Variants in WWOX observed in about 807,000 individuals in gnomAD.
WWOX encodes WW domain containing oxidoreductase.
WWOX carries 69 observed loss-of-function variants against 46.2 expected under a neutral mutation model. The observed-to-expected ratio is 1.49, with a 90% CI of 1.23 to 1.82. The LOEUF (loss-of-function observed/expected upper bound fraction) is 1.82, where lower values mean the gene tolerates loss of function less well. Among genes scored for constraint, WWOX ranks in the 40% most tolerant of loss-of-function variants. The probability of loss-of-function intolerance (pLI) is 0.00; values close to 1 mark genes in which losing one functional copy is unlikely to be tolerated. For missense variants in WWOX, 919 were observed against 542.6 expected (o/e 1.69, Z -6.89); for synonymous variants, 359 against 202.6 (o/e 1.77, Z -6.56).
At chr16:78,917,731 C>G (rs1305809756) in intron 8 of WWOX, among the ~76,000 whole-genome samples, 1 of 151,980 alleles carries the variant, frequency 6.6e-6, no homozygotes, top group Non-Finnish European at 1.5e-5. Flanking sequence ...TTGGTAGTGC[C>G]TCCAGAACCA....
At position 78,631,252 on chromosome 16, in the gene WWOX, C is replaced by G. The variant is rs144430791; in HGVS notation, c.1056+198500C>G. Among the ~76,000 whole-genome samples the G allele has an allele frequency of 1.8e-3, 276 of 152,218 alleles. 1 individual carries two copies. Among genetic ancestry groups the G allele is most frequent in the Admixed American group, 4.8e-3 (73 of 15,284 alleles). On this transcript the variant is annotated intron_variant, in intron 8 of 8. Coordinates refer to ENST00000566780, the MANE Select transcript of WWOX (RefSeq NM_016373.4). ...AGTGGATGCAGGTCAGTCGTGACAT[C>G]TCATCCACCCCTTCCTCACCCAAGA...
At chr16:79,104,428 C>G (rs1321323489) in intron 8 of WWOX, among the ~76,000 whole-genome samples, 2 of 152,136 alleles carry the variant, frequency 1.3e-5, no homozygotes, top group South Asian at 4.2e-4. Context: ...GCTATAATGG[C>G]TTTATCATAT....
intron 8 of WWOX, among the ~76,000 whole-genome samples, chr16:79,145,602 T>C (rs1346904170): frequency 1.3e-5 from 2 of 152,208 alleles, no homozygotes; most frequent in Non-Finnish European, 2.9e-5. Flanking sequence ...CACATTATTT[T>C]AGAAGTTTTA....
chr16:79,154,208 A>C (rs1320018950), intron 8 of WWOX, among the ~76,000 whole-genome samples: 2 of 152,204 alleles, frequency 1.3e-5, no homozygotes, highest in African/African-American at 4.8e-5. Flanking sequence ...AAATCCTTTT[A>C]ATTTAGTCTA....
At chr16:78,656,233 C>G (rs1286220540) in intron 8 of WWOX, among the ~76,000 whole-genome samples, 2 of 151,968 alleles carry the variant, frequency 1.3e-5, no homozygotes, top group African/African-American at 4.8e-5. Context: ...CTCAGTCTCC[C>G]CATCATCCTT....
intron 6 of WWOX, among the ~76,000 whole-genome samples, chr16:78,424,349 A>C (rs1666128860): frequency 6.6e-6 from 1 of 151,274 alleles, no homozygotes; most frequent in South Asian, 2.1e-4. Context: ...CAAACTCCTG[A>C]CCTAAAATGG....
At chr16:78,522,796 G>A (rs901371550) in intron 8 of WWOX, among the ~76,000 whole-genome samples, 4 of 152,228 alleles carry the variant, frequency 2.6e-5, no homozygotes, top group South Asian at 2.1e-4. Context: ...AGTGGGCCAG[G>A]CGCAGTGGCT....
rs200227189 is a variant in WWOX, at chr16:78,285,480, C to T, written c.517-101380C>T. Among the ~76,000 whole-genome samples, 12 of 152,092 alleles carry T rather than the reference C, an allele frequency of 7.9e-5. No individual in the cohort carries two copies. The East Asian group carries it at 2.1e-3, about 27-fold the overall frequency. On this transcript the variant is annotated intron_variant, in intron 5 of 8. Transcript: ENST00000566780. Reference sequence around the variant, plus strand: ...AAATTAAGTTAGAAGGGAGGGATTACGACCCTCATGTGTATCAAGAAACAA... The same window carrying T: ...AAATTAAGTTAGAAGGGAGGGATTATGACCCTCATGTGTATCAAGAAACAA...
chr16:78,871,242 G>C (rs1388520565), intron 8 of WWOX, among the ~76,000 whole-genome samples: 4 of 152,006 alleles, frequency 2.6e-5, no homozygotes, highest in Non-Finnish European at 5.9e-5. Flanking sequence ...ACAGAAAGAG[G>C]GGGGATTTTT....
intron 8 of WWOX, among the ~76,000 whole-genome samples, chr16:79,028,635 TG>T (rs1409879626): frequency 1.3e-5 from 2 of 151,662 alleles, no homozygotes; most frequent in African/African-American, 4.9e-5. Flanking sequence ...GGGTATGTTT[TG>T]GGGGGAAAAA....
chr16:78,313,945 T>C (rs2151877335), intron 5 of WWOX, among the ~76,000 whole-genome samples: 1 of 152,296 alleles, frequency 6.6e-6, no homozygotes, highest in South Asian at 2.1e-4. Flanking sequence ...CTTATATCCG[T>C]GCTGACACAG....
At chr16:78,935,304 T>G (rs1045376573) in intron 8 of WWOX, among the ~76,000 whole-genome samples, 42 of 152,248 alleles carry the variant, frequency 2.8e-4, no homozygotes, top group African/African-American at 9.6e-4. Flanking sequence ...CACATGCACA[T>G]GTATGTTTAT....
In WWOX at chr16:79,135,807, G is replaced by A. The variant is rs537200303; in HGVS notation, c.1057-75801G>A. On this transcript the variant is annotated intron_variant, in intron 8 of 8. Coordinates refer to ENST00000566780, the MANE Select transcript of WWOX (RefSeq NM_016373.4). ...TATTTCTTAATTTTACATTGTAATT[G>A]TGAGTGATGTTGGGTAGATTTTTGT... is the stretch of plus-strand genomic sequence containing the variant. Among the ~76,000 whole-genome samples the A allele has an allele frequency of 1.5e-4, 23 of 152,152 alleles. 1 individual carries two copies. The highest frequency in any genetic ancestry group is 7.2e-4 in the Admixed American group (11 of 15,290).
chr16:78,259,891 T>C (rs1567463008), intron 5 of WWOX, among the ~76,000 whole-genome samples: 3 of 151,402 alleles, frequency 2.0e-5, no homozygotes, highest in South Asian at 2.1e-4. Context: ...TATAGACTTT[T>C]AAAAAACTTA....
intron 8 of WWOX, among the ~76,000 whole-genome samples, chr16:78,866,924 A>G (rs960870802): frequency 2.6e-5 from 4 of 152,240 alleles, no homozygotes; most frequent in Admixed American, 2.6e-4. Context: ...TTTGGTCTGA[A>G]GCTTCAAATA....
chr16:78,796,533 A>G (rs868276651), intron 8 of WWOX, among the ~76,000 whole-genome samples: 30 of 152,270 alleles, frequency 2.0e-4, no homozygotes, highest in African/African-American at 7.0e-4. Context: ...TTCAGTGAAC[A>G]CATTGCCTTC....
chr16:78,147,942 T>G (rs1056730314), intron 4 of WWOX, among the ~76,000 whole-genome samples: 1 of 151,922 alleles, frequency 6.6e-6, no homozygotes, highest in Non-Finnish European at 1.5e-5. Flanking sequence ...CGGGGTCTCT[T>G]TGGATGAGTG....
chr16:78,859,750 C>G (rs1488613141), intron 8 of WWOX, among the ~76,000 whole-genome samples: 1 of 152,018 alleles, frequency 6.6e-6, no homozygotes, highest in Non-Finnish European at 1.5e-5. Flanking sequence ...ACACTAATAG[C>G]TATTGATGGT....
At chr16:78,857,037 G>T (rs943073642) in intron 8 of WWOX, among the ~76,000 whole-genome samples, 1 of 152,158 alleles carries the variant, frequency 6.6e-6, no homozygotes, top group African/African-American at 2.4e-5. Flanking sequence ...CATAGAAAAG[G>T]TACAGTTAAA....
Sources: gnomAD v4.1 joint callset for allele counts (sites outside exome capture counted in the v4.1 genomes callset) on GRCh38, gnomAD v4.1.1 for gene constraint, MANE v1.5 for transcripts, NCBI Gene and HGNC (gene_info 2026-07-23, HGNC 2026-07-21) for gene names.